The following TNFRSF10B variants were observed in gnomAD, a reference collection of about 807,000 sequenced individuals.
TNFRSF10B encodes the protein TNF receptor superfamily member 10b.
In TNFRSF10B, 35 loss-of-function variants were observed where a neutral mutation model predicts 41.4. The ratio of observed to expected loss-of-function variants is 0.85; its 90% CI spans 0.65 to 1.12. The LOEUF is 1.12. Among genes scored for constraint, TNFRSF10B ranks in the 50% most tolerant of loss-of-function variants. The pLI, the probability that TNFRSF10B is intolerant of heterozygous loss-of-function variation, is 0.00. For missense variants in TNFRSF10B, 584 were observed against 552.7 expected (o/e 1.06, Z -0.57); for synonymous variants, 230 against 215.5 (o/e 1.07, Z -0.59).
intron 1 of TNFRSF10B, among the ~76,000 whole-genome samples, chr8:23,058,995 A>G (rs1812749345): frequency 6.6e-6 from 1 of 152,162 alleles, no homozygotes; most frequent in African/African-American, 2.4e-5. Flanking sequence ...CTCAGAAGTT[A>G]TTTCATCTTC....
At chr8:23,042,514 A>G (rs1334035272) in intron 2 of TNFRSF10B, among the ~76,000 whole-genome samples, 2 of 152,066 alleles carry the variant, frequency 1.3e-5, no homozygotes, top group African/African-American at 4.8e-5. Context: ...GGGACACCAC[A>G]TAACATCCCA....
chr8:23,047,307 A>G (rs1007527808), intron 1 of TNFRSF10B, among the ~76,000 whole-genome samples: 15 of 151,270 alleles, frequency 9.9e-5, no homozygotes, highest in Non-Finnish European at 1.5e-4. Flanking sequence ...CCGTGAGTCA[A>G]GATCATGCCA....
chr8:23,063,938 G>A (rs2128821674), intron 1 of TNFRSF10B, among the ~76,000 whole-genome samples: 1 of 152,312 alleles, frequency 6.6e-6, no homozygotes, highest in African/African-American at 2.4e-5. Flanking sequence ...CACACTCTAT[G>A]AGCAGGCTGA....
chr8:23,035,482 C>T (rs1484977840), intron 2 of TNFRSF10B, among the ~76,000 whole-genome samples: 1 of 152,102 alleles, frequency 6.6e-6, no homozygotes, highest in Non-Finnish European at 1.5e-5. Context: ...CAAGATAACA[C>T]ACAAGACGAT....
At chr8:23,050,965 T>C (rs1245704967) in intron 1 of TNFRSF10B, among the ~76,000 whole-genome samples, 2 of 152,122 alleles carry the variant, frequency 1.3e-5, no homozygotes, top group Admixed American at 6.5e-5. Flanking sequence ...TCCCAGCTAC[T>C]TGGGAGGCTG....
rs1367804130 is a variant in TNFRSF10B, at chr8:23,021,912, A to G, written c.*759T>C. On this transcript the variant is annotated 3_prime_UTR_variant, in exon 9 of 9. Transcript: ENST00000276431. ...TTCACATAACTATGTAAACAAGTAC[A>G]TTTACTAAAGTTTCTTCATGTTCAT... The G allele has an allele frequency of 2.2e-6, 1 of 453,616 alleles. No individual in the cohort carries two copies. The highest frequency in any genetic ancestry group is 4.4e-6 in the Non-Finnish European group (1 of 226,648). The allele number at this position is 453,616 out of a possible 1,614,324, so 28.1% of individuals were successfully genotyped here.
At chr8:23,024,603 C>T (rs980688656) in intron 7 of TNFRSF10B, among the ~76,000 whole-genome samples, 1 of 151,964 alleles carries the variant, frequency 6.6e-6, no homozygotes, top group Admixed American at 6.5e-5. Flanking sequence ...TCACTGCAAC[C>T]TCCACCTCTG....
chr8:23,053,670 G>T (rs1294842708), intron 1 of TNFRSF10B, among the ~76,000 whole-genome samples: 1 of 152,268 alleles, frequency 6.6e-6, no homozygotes, highest in East Asian at 1.9e-4. Context: ...AAAGAGTTAT[G>T]AAAGGTCTAT....
chr8:23,047,211 G>T, intron 1 of TNFRSF10B, among the ~76,000 whole-genome samples: 1 of 152,056 alleles, frequency 6.6e-6, no homozygotes, highest in East Asian at 1.9e-4. Context: ...TACAAAATTA[G>T]CTGGGCATGG....
chr8:23,068,644 C>A, intron 1 of TNFRSF10B, 107 bp downstream of exon 1: 3 of 1,471,072 alleles, frequency 2.0e-6, no homozygotes, highest in South Asian at 2.6e-5. Flanking sequence ...ACATGCCCGG[C>A]CGCAGGCGAC....
Position 23,028,439 on chromosome 8 carries a change from T to C in TNFRSF10B, c.640A>G (p.Ile214Val), listed in dbSNP as rs756025456. 5.6e-6 allele frequency: 9 copies of C among 1,614,148 alleles called. No homozygotes were observed. The highest frequency in any genetic ancestry group is 7.6e-6 in the Non-Finnish European group (9 of 1,180,010). Residue 214 changes from isoleucine (I) to valine (V), a missense_variant, in exon 5 of 9, where the codon ATC (isoleucine) becomes GTC (valine). Transcript: ENST00000276431. The part of the protein sequence containing the change: ...TPASPCSLSG[I>V]IIGVTVAAVV... ...GCTGCAACTGTGACTCCTATGATGA[T>C]GCCTGAGAGAGAACAGGGAGAGGCA...
intron 1 of TNFRSF10B, among the ~76,000 whole-genome samples, chr8:23,063,367 A>G (rs1339205904): frequency 1.3e-5 from 2 of 149,850 alleles, no homozygotes; most frequent in Non-Finnish European, 3.0e-5. Context: ...AAAAAAATCC[A>G]TGTTTCCATT....
intron 1 of TNFRSF10B, among the ~76,000 whole-genome samples, chr8:23,047,665 T>A (rs1436664947): frequency 6.6e-6 from 1 of 151,698 alleles, no homozygotes; most frequent in East Asian, 1.9e-4. Flanking sequence ...TATCATCTCA[T>A]ACCTATCAGA....
chr8:23,022,060 A>T lies in TNFRSF10B; in HGVS notation c.*611T>A. On this transcript the variant is annotated 3_prime_UTR_variant, in exon 9 of 9. Coordinates refer to ENST00000276431, the MANE Select transcript of TNFRSF10B (RefSeq NM_003842.5). ...GACTGCTTGAGTCCAGGAATTCGAG[A>T]CCACCCTGAGCAACATAGAGAGCCC... 4.5e-6 allele frequency: 2 copies of T among 444,328 alleles called. No individual in the cohort carries two copies. The highest frequency in any genetic ancestry group is 9.0e-6 in the Non-Finnish European group (2 of 221,790). The allele number at this position is 444,328 out of a possible 1,614,324, so 27.5% of individuals were successfully genotyped here.
In TNFRSF10B at chr8:23,030,769, C is replaced by G. The variant is rs1563308996; in HGVS notation, c.354G>C (p.Arg118Ser). ...NDLLFCLRCT[R>S]CDSGEVELSP... The stretch of plus-strand genomic sequence containing the variant: ...CCATATGTTCTGTACCTGAATCACA[C>G]CTGGTGCAGCGCAAGCAGAAAAGGA... Residue 118 changes from arginine (R) to serine (S), a missense_variant, in exon 3 of 9, where the codon AGG (arginine) becomes AGC (serine). Transcript: ENST00000276431. 1 of 1,612,112 alleles carries G rather than the reference C, an allele frequency of 6.2e-7. No individual in the cohort carries two copies. The highest frequency in any genetic ancestry group is 8.5e-7 in the Non-Finnish European group (1 of 1,179,038).
intron 2 of TNFRSF10B, among the ~76,000 whole-genome samples, chr8:23,034,294 G>A (rs1206229921): frequency 6.6e-6 from 1 of 152,162 alleles, no homozygotes; most frequent in Non-Finnish European, 1.5e-5. Context: ...ATTTTAGTAT[G>A]TGTAATTGGA....
intron 2 of TNFRSF10B, among the ~76,000 whole-genome samples, chr8:23,036,671 C>G (rs1203758767): frequency 6.6e-6 from 1 of 152,186 alleles, no homozygotes; most frequent in African/African-American, 2.4e-5. Context: ...ATGGTGAAAC[C>G]TCGTCTCTAC....
chr8:23,029,637 G>A lies in TNFRSF10B; in HGVS notation c.449C>T (p.Pro150Leu), dbSNP rs574425915. 2.5e-6 allele frequency: 4 copies of A among 1,612,940 alleles called. No individual in the cohort carries two copies. The Admixed American group carries it at 6.7e-5, about 27-fold the overall frequency. ...EEGTFREEDS[P>L]EMCRKCRTGC... ...TGTGCGGCACTTCCGGCACATCTCA[G>A]GAGAATCTTCTTCCCGGAAGGTGCC... The change falls in exon 4 of 9, where the codon CCT becomes CTT. Residue 150 changes from proline (P) to leucine (L), a missense_variant. Pro to Leu is a moderately conservative substitution (Grantham distance 98). Coordinates refer to ENST00000276431, the MANE Select transcript of TNFRSF10B (RefSeq NM_003842.5).
intron 1 of TNFRSF10B, among the ~76,000 whole-genome samples, chr8:23,056,491 A>G (rs768636148): frequency 2.6e-5 from 4 of 152,050 alleles, no homozygotes; most frequent in Non-Finnish European, 5.9e-5. Context: ...TCTCTACTAA[A>G]AATACAAAAA....
Sources: gnomAD v4.1 joint callset for allele counts (sites outside exome capture counted in the v4.1 genomes callset) on GRCh38, gnomAD v4.1.1 for gene constraint, MANE v1.5 for transcripts, NCBI Gene and HGNC (gene_info 2026-07-23, HGNC 2026-07-21) for gene names.